The following WWOX variants were observed in gnomAD, a reference collection of about 807,000 sequenced individuals.
WWOX encodes WW domain containing oxidoreductase.
WWOX carries 69 observed loss-of-function variants against 46.2 expected under a neutral mutation model. The observed-to-expected ratio is 1.49, with a 90% confidence interval of 1.23 to 1.82. The LOEUF is 1.82. WWOX is among the 40% of genes most tolerant of loss of function. WWOX has a pLI of 0.00. For synonymous variants in WWOX, 359 were observed against 202.6 expected (o/e 1.77, Z -6.56); for missense variants, 919 against 542.6 (o/e 1.69, Z -6.89).
intron 8 of WWOX, among the ~76,000 whole-genome samples, chr16:78,933,097 C>T (rs1258071347): frequency 6.6e-6 from 1 of 152,180 alleles, no homozygotes; most frequent in African/African-American, 2.4e-5. Context: ...TCAGTTGCTA[C>T]CCCTGAGCAC....
At position 78,799,264 on chromosome 16, in the gene WWOX, G is replaced by C. The variant is rs543502399; in HGVS notation, c.1056+366512G>C. ...CTTGTGTCTTGCCGTCTCTTTAACG[G>C]AGAGTTCATGGGCAGGGTACAGTCT... is the stretch of plus-strand genomic sequence containing the variant. On this transcript the variant is annotated intron_variant, in intron 8 of 8. Transcript: ENST00000566780. Among the ~76,000 whole-genome samples, 4 of 152,274 alleles carry C rather than the reference G, an allele frequency of 2.6e-5. No homozygotes were observed. In the East Asian group the frequency reaches 7.7e-4, roughly 29 times the overall value.
chr16:79,029,473 A>G (rs1225256356), intron 8 of WWOX, among the ~76,000 whole-genome samples: 1 of 152,218 alleles, frequency 6.6e-6, no homozygotes, highest in South Asian at 2.1e-4. Flanking sequence ...GCTATTACTC[A>G]TCTGAAGTTA....
chr16:78,463,947 C>A (rs1410969012), intron 8 of WWOX, among the ~76,000 whole-genome samples: 1 of 152,112 alleles, frequency 6.6e-6, no homozygotes. Flanking sequence ...AGCTGCCTTT[C>A]CATTAAGTGA....
intron 8 of WWOX, among the ~76,000 whole-genome samples, chr16:79,043,035 A>T (rs2048001975): frequency 1.3e-5 from 2 of 152,152 alleles, no homozygotes; most frequent in Non-Finnish European, 2.9e-5. Context: ...GTAATGGGAC[A>T]GGCTCTCCTG....
At chr16:78,781,617 G>A (rs2050327323) in intron 8 of WWOX, among the ~76,000 whole-genome samples, 1 of 152,090 alleles carries the variant, frequency 6.6e-6, no homozygotes, top group Non-Finnish European at 1.5e-5. Context: ...GTTATTCAGT[G>A]TTTTACAAAG....
chr16:78,752,507 C>G (rs1300623112), intron 8 of WWOX, among the ~76,000 whole-genome samples: 1 of 152,160 alleles, frequency 6.6e-6, no homozygotes, highest in African/African-American at 2.4e-5. Context: ...AGGCTAGTTT[C>G]TAACTCCTGA....
intron 5 of WWOX, among the ~76,000 whole-genome samples, chr16:78,323,508 C>A (rs912785121): frequency 2.3e-4 from 35 of 152,236 alleles, no homozygotes; most frequent in Admixed American, 1.7e-3. Flanking sequence ...CTACCCTCCT[C>A]TTTGAGCTCT....
chr16:78,357,474 C>G, intron 5 of WWOX, among the ~76,000 whole-genome samples: 1 of 152,150 alleles, frequency 6.6e-6, no homozygotes, highest in Non-Finnish European at 1.5e-5. Context: ...CACTTGGTCC[C>G]TTCAATCTGT....
chr16:78,569,011 C>T (rs1225753455), intron 8 of WWOX, among the ~76,000 whole-genome samples: 1 of 152,174 alleles, frequency 6.6e-6, no homozygotes, highest in Non-Finnish European at 1.5e-5. Flanking sequence ...TGCTGTTAGG[C>T]ACCACACACG....
intron 5 of WWOX, among the ~76,000 whole-genome samples, chr16:78,312,815 C>G (rs1214569772): frequency 1.3e-5 from 2 of 152,316 alleles, no homozygotes; most frequent in South Asian, 4.1e-4. Flanking sequence ...TGTGACTGAA[C>G]CAACCAGACA....
intron 8 of WWOX, among the ~76,000 whole-genome samples, chr16:78,588,619 G>T (rs1161337726): frequency 2.0e-5 from 3 of 152,226 alleles, no homozygotes; most frequent in African/African-American, 7.2e-5. Context: ...GAGGCTCAGA[G>T]AAAGTGAGGT....
At chr16:78,123,435 G>GTTGTTTTTT (rs2033194462) in intron 4 of WWOX, 1 of 48,722 alleles carries the variant, frequency 2.1e-5, no homozygotes, top group Non-Finnish European at 4.1e-5. Context: ...TTTGTTTTTT[G>GTTGTTTTTT]TTTTGTTTTT....
chr16:78,570,223 C>T (rs189465068), intron 8 of WWOX, among the ~76,000 whole-genome samples: 109 of 152,236 alleles, frequency 7.2e-4, no homozygotes, highest in African/African-American at 2.5e-3. Context: ...TGCTAGACTA[C>T]GGGTCTGGGG....
chr16:78,106,027 C>A (rs571447926), intron 1 of WWOX, among the ~76,000 whole-genome samples: 2 of 152,264 alleles, frequency 1.3e-5, no homozygotes, highest in East Asian at 3.9e-4. Flanking sequence ...GTCTCGATCT[C>A]CTGGGCTCTA....
chr16:78,228,985 G>T (rs1205333629), intron 5 of WWOX, among the ~76,000 whole-genome samples: 1 of 152,134 alleles, frequency 6.6e-6, no homozygotes, highest in Non-Finnish European at 1.5e-5. Flanking sequence ...TTCTATTTTT[G>T]CACCTTGTGT....
chr16:78,201,435 A>G (rs2036226688), intron 5 of WWOX, among the ~76,000 whole-genome samples: 1 of 152,226 alleles, frequency 6.6e-6, no homozygotes, highest in Non-Finnish European at 1.5e-5. Context: ...AATGTTGATA[A>G]CTAAGACCTG....
intron 7 of WWOX, among the ~76,000 whole-genome samples, chr16:78,426,653 C>T (rs550709773): frequency 2.6e-5 from 4 of 151,938 alleles, no homozygotes; most frequent in Non-Finnish European, 4.4e-5. Flanking sequence ...CTTTGCACAT[C>T]GTTATTTATT....
intron 8 of WWOX, among the ~76,000 whole-genome samples, chr16:78,744,589 A>C (rs752778653): frequency 6.6e-6 from 1 of 150,832 alleles, no homozygotes; most frequent in Non-Finnish European, 1.5e-5. Context: ...CTGCCACCAC[A>C]CCTGGCTAAT....
At chr16:78,685,217 G>T (rs535583091) in intron 8 of WWOX, among the ~76,000 whole-genome samples, 7 of 152,278 alleles carry the variant, frequency 4.6e-5, no homozygotes, top group Middle Eastern at 3.4e-3. Context: ...CTCAGCCAGG[G>T]CAGGAGTATT....
Sources: allele counts gnomAD v4.1 joint callset (sites outside exome capture counted in the v4.1 genomes callset), GRCh38; gene constraint gnomAD v4.1.1; transcripts MANE v1.5; gene names NCBI Gene and HGNC (gene_info 2026-07-23, HGNC 2026-07-21).